The following HPCAL4 variants were observed in gnomAD, a reference collection of about 807,000 sequenced individuals.
HPCAL4 encodes hippocalcin-like protein 4.
In HPCAL4, 16 loss-of-function variants were observed where a neutral mutation model predicts 18.2. The ratio of observed to expected loss-of-function variants is 0.88; its 90% confidence interval spans 0.59 to 1.33. HPCAL4 has a LOEUF of 1.33. Among genes scored for constraint, HPCAL4 ranks in the 40% most tolerant of loss-of-function variants. HPCAL4 has a pLI of 0.00. For synonymous variants in HPCAL4, 80 were observed against 97.5 expected (o/e 0.82, Z 1.06); for missense variants, 214 against 256.6 (o/e 0.83, Z 1.14).
Position 39,682,614 on chromosome 1 carries a change from A to C in HPCAL4, c.498T>G (p.Ile166Met). Residue 166 changes from isoleucine (I) to methionine (M), a missense_variant, in exon 4 of 4, where the codon ATT becomes ATG. Coordinates refer to ENST00000372844, the MANE Select transcript of HPCAL4 (RefSeq NM_016257.4). ...CTGCCTCCTTGAACTCCTCCAATGTAATCTGGTCGTCCTTATCCTGGTCCA... is the reference window on the plus strand; with the variant it reads ...CTGCCTCCTTGAACTCCTCCAATGTCATCTGGTCGTCCTTATCCTGGTCCA... The part of the protein sequence containing the change: ...KKMDQDKDDQ[I>M]TLEEFKEAAK... 6.2e-7 allele frequency: 1 copy of C among 1,614,238 alleles called. No individual in the cohort carries two copies. Among genetic ancestry groups the C allele is most frequent in the Non-Finnish European group, 8.5e-7 (1 of 1,180,048 alleles).
At chr1:39,690,739 C>A (rs528383968) in intron 1 of HPCAL4, among the ~76,000 whole-genome samples, 1 of 151,834 alleles carries the variant, frequency 6.6e-6, no homozygotes, top group East Asian at 1.9e-4. Context: ...TTGTCCCCCC[C>A]TCAGGTATGC....
chr1:39,683,290 A>G (rs975553312), intron 3 of HPCAL4, among the ~76,000 whole-genome samples: 3 of 152,096 alleles, frequency 2.0e-5, no homozygotes, highest in Admixed American at 1.3e-4. Flanking sequence ...TCCCCGTATG[A>G]CCACCTTCCT....
intron 2 of HPCAL4, 75 bp from the exon 3 acceptor site, chr1:39,684,227 G>GCACCCCGGCTGCCTCGCCTCCTCC (rs1646653612): frequency 9.2e-7 from 1 of 1,090,862 alleles, no homozygotes; most frequent in Non-Finnish European, 1.2e-6. Flanking sequence ...AACCTCCCCT[G>GCACCCCGGCTGCCTCGCCTCCTCC]CACCCCGGGT....
intron 1 of HPCAL4, 74 bp from the exon 2 acceptor site, chr1:39,684,685 GCCACACACAGGGC>G: frequency 7.5e-7 from 1 of 1,329,952 alleles, no homozygotes; most frequent in Non-Finnish European, 1.0e-6. Flanking sequence ...CCCCTCCCCT[GCCACACACAGGGC>G]GGGGTTGCAG....
chr1:39,685,461 C>A (rs1057269607), intron 1 of HPCAL4, among the ~76,000 whole-genome samples: 6 of 152,152 alleles, frequency 3.9e-5, no homozygotes. Context: ...AGGCTGGGCA[C>A]CGTATTTCAT....
In HPCAL4 at chr1:39,684,577, G is replaced by C. The variant is rs754103411; in HGVS notation, c.27C>G (p.Ala9=). The C allele has an allele frequency of 1.2e-6, 2 of 1,607,760 alleles. No homozygotes were observed. Among genetic ancestry groups the C allele is most frequent in the Non-Finnish European group, 1.7e-6 (2 of 1,176,930 alleles). The change falls in exon 2 of 4, where the codon GCC becomes GCG. Residue 9 remains alanine (A), a synonymous_variant. Transcript: ENST00000372844. ...GAACAAGGTCCTCCAGCACCTCGGG[G>C]GCCAGCTTGCTGTTGGTCTTCCCCA... MGKTNSKL[A]PEVLEDLVQN... is the part of the protein sequence containing the mutation.
At position 39,684,701 on chromosome 1, in the gene HPCAL4, G is replaced by A. The variant is rs1345133165; in HGVS notation, c.-8-90C>T. ...CCCTCCCCTGCCACACACAGGGCGG[G>A]GTTGCAGGTTCCTTCCCCTCATGAC... is the stretch of plus-strand genomic sequence containing the variant. On this transcript the variant is annotated intron_variant, in intron 1 of 3. Coordinates refer to ENST00000372844, the MANE Select transcript of HPCAL4 (RefSeq NM_016257.4). The A allele has an allele frequency of 1.0e-5, 12 of 1,153,000 alleles. No homozygotes were observed. The Admixed American group carries it at 2.4e-4, about 23-fold the overall frequency. The allele number at this position is 1,153,000 out of a possible 1,614,324, so 71.4% of individuals were successfully genotyped here. A position where few individuals can be genotyped will look rare whatever the true frequency, so the allele number is the denominator to read the frequency against.
At chr1:39,685,192 T>C (rs1646663123) in intron 1 of HPCAL4, among the ~76,000 whole-genome samples, 1 of 152,270 alleles carries the variant, frequency 6.6e-6, no homozygotes, top group Non-Finnish European at 1.5e-5. Flanking sequence ...TGCTAGGCCC[T>C]GTGCCAGTGA....
At chr1:39,684,227 G>GCACCGCGGGTGCCTCGCCTCCTCC in intron 2 of HPCAL4, 75 bp from the exon 3 acceptor site, 1 of 1,091,976 alleles carries the variant, frequency 9.2e-7, no homozygotes. Context: ...AACCTCCCCT[G>GCACCGCGGGTGCCTCGCCTCCTCC]CACCCCGGGT....
chr1:39,691,034 T>C (rs1021980543), intron 1 of HPCAL4: 1 of 152,504 alleles, frequency 6.6e-6, no homozygotes, highest in African/African-American at 2.4e-5. Flanking sequence ...CGCGCGTGTA[T>C]GTTGGGGGCC....
Position 39,682,772 on chromosome 1 carries a change from AG to A in HPCAL4, c.379-40del, listed in dbSNP as rs769621891. 50 of 1,572,208 alleles carry A rather than the reference AG, an allele frequency of 3.2e-5. No individual in the cohort carries two copies. In the African/African-American group the frequency reaches 5.9e-4, roughly 19 times the overall value. ...GAGGAGGGAGGTGTGAACACCCACA[AG>A]GGGCCCCGAGAAGCAGCGGGTGAAG... On this transcript the variant is annotated intron_variant, in intron 3 of 3. Coordinates refer to ENST00000372844, the MANE Select transcript of HPCAL4 (RefSeq NM_016257.4).
chr1:39,683,928 G>A lies in HPCAL4; in HGVS notation c.378+9C>T, dbSNP rs1281191541. The A allele has an allele frequency of 1.2e-6, 2 of 1,611,186 alleles. No homozygotes were observed. Among genetic ancestry groups the A allele is most frequent in the Non-Finnish European group, 1.7e-6 (2 of 1,178,742 alleles). ...CCTCGGGAACAGCAGCGCCCGCGCG[G>A]CCCCGCACCTCGATGATCTCCAGCA... On this transcript the variant is annotated intron_variant, in intron 3 of 3. Coordinates refer to ENST00000372844, the MANE Select transcript of HPCAL4 (RefSeq NM_016257.4).
chr1:39,685,209 T>C (rs1646663274), intron 1 of HPCAL4, among the ~76,000 whole-genome samples: 1 of 152,216 alleles, frequency 6.6e-6, no homozygotes, highest in African/African-American at 2.4e-5. Flanking sequence ...GTGATGGAGA[T>C]GAAGCAGACA....
chr1:39,682,271 A>C lies in HPCAL4; in HGVS notation c.*265T>G. ...AACCTCACCTCCTGGGGCAAAAGCC[A>C]ACTCCCCTATGCCCAATGGACATTG... On this transcript the variant is annotated 3_prime_UTR_variant, in exon 4 of 4. Transcript: ENST00000372844. 1 of 472,640 alleles carries C rather than the reference A, an allele frequency of 2.1e-6. No homozygotes were observed. The highest frequency in any genetic ancestry group is 3.9e-6 in the Non-Finnish European group (1 of 259,260). 29.3% of individuals were successfully genotyped at this position (472,640 alleles called of 1,614,324 possible).
intron 1 of HPCAL4, among the ~76,000 whole-genome samples, chr1:39,689,037 T>C (rs1244676915): frequency 6.6e-6 from 1 of 152,154 alleles, no homozygotes; most frequent in African/African-American, 2.4e-5. Context: ...AACCCCTGCC[T>C]GAGTCAGAAA....
At position 39,684,172 on chromosome 1, in the gene HPCAL4, T is replaced by A. The variant is rs2124189129; in HGVS notation, c.163-20A>T. The A allele has an allele frequency of 1.3e-6, 2 of 1,589,146 alleles. No individual in the cohort carries two copies. The highest frequency in any genetic ancestry group is 2.3e-5 in the East Asian group (1 of 44,310). On this transcript the variant is annotated intron_variant, in intron 2 of 3. Coordinates refer to ENST00000372844, the MANE Select transcript of HPCAL4 (RefSeq NM_016257.4). ...GAAGAACTGAGGGGGGTGCGGTGGGTTGGGGCGCAGCGACAGCCCCGCCCA... is the reference window on the plus strand; with the variant it reads ...GAAGAACTGAGGGGGGTGCGGTGGGATGGGGCGCAGCGACAGCCCCGCCCA...
At chr1:39,689,953 C>A (rs552469901) in intron 1 of HPCAL4, among the ~76,000 whole-genome samples, 3 of 152,276 alleles carry the variant, frequency 2.0e-5, no homozygotes, top group African/African-American at 7.2e-5. Context: ...TAATGAGAGG[C>A]AGGGGATGAC....
At chr1:39,686,840 C>A (rs1327688296) in intron 1 of HPCAL4, among the ~76,000 whole-genome samples, 1 of 151,612 alleles carries the variant, frequency 6.6e-6, no homozygotes, top group Non-Finnish European at 1.5e-5. Flanking sequence ...GTGCCTCTGA[C>A]CTGCCTAGAG....
At chr1:39,688,516 C>T (rs924649509) in intron 1 of HPCAL4, among the ~76,000 whole-genome samples, 1 of 152,218 alleles carries the variant, frequency 6.6e-6, no homozygotes, top group Non-Finnish European at 1.5e-5. Context: ...AAGCTATGCT[C>T]ATGCCCATGG....
Sources: allele counts gnomAD v4.1 joint callset (sites outside exome capture counted in the v4.1 genomes callset), GRCh38; gene constraint gnomAD v4.1.1; transcripts MANE v1.5; gene names NCBI Gene and HGNC (gene_info 2026-07-23, HGNC 2026-07-21).